COLEC11: variants seen among roughly 807,000 people sequenced by gnomAD.
The protein encoded by COLEC11 is collectin-11.
Under a neutral mutation model 27.3 loss-of-function variants are expected in COLEC11, and 20 were observed. That is an observed-to-expected ratio of 0.73 (90% confidence interval 0.51 to 1.06). The LOEUF (loss-of-function observed/expected upper bound fraction) is 1.06. Ranked by LOEUF, COLEC11 falls within the 50% of genes least tolerant of loss-of-function variation. COLEC11 has a pLI of 0.00. For missense variants in COLEC11, 310 were observed against 383.0 expected (o/e 0.81, Z 1.59); for synonymous variants, 163 against 154.7 (o/e 1.05, Z -0.40).
chr2:3,614,247 T>C (rs1414475101), intron 3 of COLEC11, among the ~76,000 whole-genome samples: 7 of 152,112 alleles, frequency 4.6e-5, no homozygotes, highest in Admixed American at 4.6e-4. Context: ...AAAGATTGTC[T>C]CTAGAAATGC....
intron 3 of COLEC11, among the ~76,000 whole-genome samples, chr2:3,622,785 A>G (rs1488745534): frequency 6.6e-6 from 1 of 152,204 alleles, no homozygotes; most frequent in African/African-American, 2.4e-5. Flanking sequence ...CCCAGCCTCT[A>G]GAACTGTAAA....
chr2:3,603,405 C>T, intron 1 of COLEC11: 1 of 505,734 alleles, frequency 2.0e-6, no homozygotes, highest in East Asian at 3.7e-5. Context: ...CAACCTCCGC[C>T]TCCTGGGTTC....
chr2:3,636,846 C>T (rs928801055), intron 3 of COLEC11, among the ~76,000 whole-genome samples: 6 of 152,100 alleles, frequency 3.9e-5, no homozygotes, highest in Non-Finnish European at 5.9e-5. Flanking sequence ...GAGACAATCC[C>T]GTGGGATCTT....
At chr2:3,610,183 A>G (rs534356785) in intron 2 of COLEC11, among the ~76,000 whole-genome samples, 11 of 152,238 alleles carry the variant, frequency 7.2e-5, no homozygotes, top group Non-Finnish European at 1.5e-4. Flanking sequence ...CAGCTTGGAC[A>G]TGTCACTTGA....
chr2:3,599,954 G>A lies in COLEC11; in HGVS notation c.-26-4361G>A, dbSNP rs6706482. Among the ~76,000 whole-genome samples, 590 of 152,290 alleles carry A rather than the reference G, an allele frequency of 3.9e-3. 3 individuals are homozygous for A. Among genetic ancestry groups the A allele is most frequent in the African/African-American group, 0.014 (574 of 41,548 alleles). On this transcript the variant is annotated intron_variant, in intron 1 of 6. Coordinates refer to ENST00000349077, the MANE Select transcript of COLEC11 (RefSeq NM_024027.5). ...GTGATATCTTATAAAACTCAAAAGC[G>A]GCCAGGCACGGTGGCTCAAGCCTGT...
intron 5 of COLEC11, among the ~76,000 whole-genome samples, chr2:3,643,151 C>T (rs1665994261): frequency 6.6e-6 from 1 of 152,188 alleles, no homozygotes; most frequent in Non-Finnish European, 1.5e-5. Context: ...AGACCTGCTT[C>T]CCTGGTTCCC....
chr2:3,637,813 G>A (rs962386005), intron 4 of COLEC11, among the ~76,000 whole-genome samples: 3 of 152,162 alleles, frequency 2.0e-5, no homozygotes, highest in African/African-American at 7.2e-5. Context: ...GCGGTGAAGC[G>A]CTCCCCATTC....
intron 3 of COLEC11, among the ~76,000 whole-genome samples, chr2:3,616,713 A>G (rs564733531): frequency 1.1e-4 from 17 of 152,314 alleles, no homozygotes; most frequent in African/African-American, 3.8e-4. Context: ...GCAGCAGTAC[A>G]GTCCAGCTTC....
intron 3 of COLEC11, among the ~76,000 whole-genome samples, chr2:3,621,067 A>G (rs4850073): frequency 2.6e-5 from 4 of 152,104 alleles, no homozygotes; most frequent in South Asian, 2.1e-4. Flanking sequence ...TTTATGTACA[A>G]TGTTTTCTTA....
chr2:3,601,830 T>C (rs1320515422), intron 1 of COLEC11: 2 of 151,616 alleles, frequency 1.3e-5, no homozygotes, highest in Non-Finnish European at 2.9e-5. Flanking sequence ...ACATTTAACA[T>C]GGAATGTTCA....
intron 5 of COLEC11, chr2:3,641,343 G>A: frequency 1.5e-6 from 2 of 1,302,618 alleles, no homozygotes; most frequent in Non-Finnish European, 2.0e-6. Flanking sequence ...GTCACTGACT[G>A]GCCGAGCAGC....
chr2:3,644,074 A>G lies in COLEC11; in HGVS notation c.772A>G (p.Thr258Ala), dbSNP rs1385981215. The part of the protein sequence containing the change: ...SGGWNDVACH[T>A]TMYFMCEFDK... ...CGGCTGGAACGACGTGGCCTGCCACACCACCATGTACTTCATGTGTGAGTT... is the reference window on the plus strand; with the variant it reads ...CGGCTGGAACGACGTGGCCTGCCACGCCACCATGTACTTCATGTGTGAGTT... The change falls in exon 7 of 7, where the codon ACC (threonine) becomes GCC (alanine). Residue 258 changes from threonine to alanine, a missense_variant. Coordinates refer to ENST00000349077, the MANE Select transcript of COLEC11 (RefSeq NM_024027.5). 6.2e-7 allele frequency: 1 copy of G among 1,613,638 alleles called. No homozygotes were observed. Among genetic ancestry groups the G allele is most frequent in the Admixed American group, 1.7e-5 (1 of 60,036 alleles).
At chr2:3,639,237 C>G (rs934560642) in intron 4 of COLEC11, among the ~76,000 whole-genome samples, 2 of 152,212 alleles carry the variant, frequency 1.3e-5, no homozygotes, top group African/African-American at 4.8e-5. Flanking sequence ...CCACCTGTTG[C>G]CTTTTGTGAA....
intron 3 of COLEC11, among the ~76,000 whole-genome samples, chr2:3,614,480 GT>G (rs1360680800): frequency 1.3e-5 from 2 of 152,094 alleles, no homozygotes; most frequent in African/African-American, 2.4e-5. Context: ...CGTGCAATCA[GT>G]TTTGACCATT....
intron 2 of COLEC11, among the ~76,000 whole-genome samples, chr2:3,612,379 A>G (rs529614354): frequency 6.6e-6 from 1 of 152,264 alleles, no homozygotes; most frequent in South Asian, 2.1e-4. Context: ...CAGCCAGCAG[A>G]GTGGCCCTGT....
Position 3,644,075 on chromosome 2 carries a change from C to T in COLEC11, c.773C>T (p.Thr258Ile). The stretch of plus-strand genomic sequence containing the variant: ...GGCTGGAACGACGTGGCCTGCCACA[C>T]CACCATGTACTTCATGTGTGAGTTT... The part of the protein sequence containing the change: ...SGGWNDVACH[T>I]TMYFMCEFDK... The change falls in exon 7 of 7, where the codon ACC becomes ATC. Residue 258 changes from threonine to isoleucine, a missense_variant. Thr to Ile is a moderately conservative substitution (Grantham distance 89). Coordinates refer to ENST00000349077, the MANE Select transcript of COLEC11 (RefSeq NM_024027.5). 6.2e-7 allele frequency: 1 copy of T among 1,613,612 alleles called. No individual in the cohort carries two copies. Among genetic ancestry groups the T allele is most frequent in the Non-Finnish European group, 8.5e-7 (1 of 1,180,044 alleles).
intron 3 of COLEC11, among the ~76,000 whole-genome samples, chr2:3,632,098 G>A (rs1181216112): frequency 2.6e-5 from 4 of 152,192 alleles, no homozygotes; most frequent in East Asian, 1.9e-4. Flanking sequence ...GCTGTGACCC[G>A]AGGCACGGAA....
At chr2:3,616,416 G>A (rs1663739381) in intron 3 of COLEC11, among the ~76,000 whole-genome samples, 2 of 152,008 alleles carry the variant, frequency 1.3e-5, no homozygotes, top group Non-Finnish European at 2.9e-5. Context: ...GCGGCTGGGA[G>A]GTGGAGGTTG....
intron 3 of COLEC11, among the ~76,000 whole-genome samples, chr2:3,631,640 G>C (rs1310853171): frequency 6.6e-6 from 1 of 152,180 alleles, no homozygotes; most frequent in African/African-American, 2.4e-5. Context: ...CCACCAGCCG[G>C]GTATGCTTGG....
Sources: allele counts gnomAD v4.1 joint callset (sites outside exome capture counted in the v4.1 genomes callset), GRCh38; gene constraint gnomAD v4.1.1; transcripts MANE v1.5; gene names NCBI Gene and HGNC (gene_info 2026-07-23, HGNC 2026-07-21).